Variants in ZNF536 observed in about 807,000 individuals in gnomAD.
The protein encoded by ZNF536 is zinc finger protein 536.
A neutral mutation model predicts 84.5 loss-of-function variants in ZNF536; 13 were observed. The observed-to-expected ratio is 0.15, with a 90% CI of 0.10 to 0.24. The LOEUF is 0.24. ZNF536 is among the 10% of genes least tolerant of loss of function. The pLI is 1.00. For missense variants in ZNF536, 1,536 were observed against 1,747.5 expected (o/e 0.88, Z 2.16); for synonymous variants, 811 against 742.5 (o/e 1.09, Z -1.50).
intron 1 of ZNF536, among the ~76,000 whole-genome samples, chr19:30,637,132 C>T (rs1177358916): frequency 6.6e-6 from 1 of 152,198 alleles, no homozygotes; most frequent in African/African-American, 2.4e-5. Context: ...AAGTCCTTGA[C>T]AGCATTTTTA....
At chr19:30,640,648 G>A (rs2049236414) in intron 1 of ZNF536, among the ~76,000 whole-genome samples, 1 of 152,222 alleles carries the variant, frequency 6.6e-6, no homozygotes. Context: ...CTGACCTGGT[G>A]TTTGTACTGG....
intron 1 of ZNF536, among the ~76,000 whole-genome samples, chr19:30,644,625 T>C (rs2049396865): frequency 6.6e-6 from 1 of 152,218 alleles, no homozygotes; most frequent in Non-Finnish European, 1.5e-5. Flanking sequence ...TGTTTGGTTT[T>C]TTGTCCTTGC....
intron 1 of ZNF536, among the ~76,000 whole-genome samples, chr19:30,374,584 C>G (rs897230012): frequency 6.6e-6 from 1 of 152,146 alleles, no homozygotes; most frequent in Non-Finnish European, 1.5e-5. Context: ...GGCACCGCCT[C>G]GGTGCCCACC....
Position 30,444,639 on chromosome 19 carries a change from C to T in ZNF536, c.1077C>T (p.Phe359=), listed in dbSNP as rs201070042. The T allele has an allele frequency of 1.5e-5, 25 of 1,613,956 alleles. No individual in the cohort carries two copies. In the African/African-American group the frequency reaches 2.8e-4, roughly 18 times the overall value. Residue 359 remains phenylalanine, a synonymous_variant, in exon 2 of 5, where the codon TTC becomes TTT. Transcript: ENST00000355537. ...VCGQVFSQAW[F]LKGHMRKHKD... ...GTCAGGTGTTCAGCCAGGCGTGGTTCCTCAAGGGTCACATGCGCAAGCACA... is the reference window on the plus strand; with the variant it reads ...GTCAGGTGTTCAGCCAGGCGTGGTTTCTCAAGGGTCACATGCGCAAGCACA...
At chr19:30,601,184 G>A (rs1407224717) in intron 1 of ZNF536, among the ~76,000 whole-genome samples, 1 of 152,128 alleles carries the variant, frequency 6.6e-6, no homozygotes, top group Non-Finnish European at 1.5e-5. Flanking sequence ...TGACATATGG[G>A]GAAACTGAGG....
chr19:30,590,861 G>C (rs1215362140), intron 1 of ZNF536, among the ~76,000 whole-genome samples: 1 of 152,220 alleles, frequency 6.6e-6, no homozygotes, highest in East Asian at 1.9e-4. Context: ...GCTGTTGAAG[G>C]GAAGGCCAGT....
downstream of ZNF536, among the ~76,000 whole-genome samples, chr19:30,558,859 T>C (rs1401991104): frequency 1.4e-5 from 2 of 145,476 alleles, no homozygotes; most frequent in Admixed American, 1.3e-4. Context: ...CACAATCTCA[T>C]AGGACACAAT....
chr19:30,432,596 C>T (rs935605859), intron 1 of ZNF536, among the ~76,000 whole-genome samples: 29 of 152,226 alleles, frequency 1.9e-4, no homozygotes, highest in African/African-American at 7.0e-4. Context: ...GAGACGAATG[C>T]CTTTTTCCAA....
At chr19:30,331,391 A>T (rs2047207795) in intron 2 of ZNF536, among the ~76,000 whole-genome samples, 1 of 148,986 alleles carries the variant, frequency 6.7e-6, no homozygotes, top group Non-Finnish European at 1.5e-5. Flanking sequence ...TAAATCTTAG[A>T]TCTCTTCTGT....
At chr19:30,707,430 A>C (rs2052287380) in intron 1 of ZNF536, among the ~76,000 whole-genome samples, 3 of 152,098 alleles carry the variant, frequency 2.0e-5, no homozygotes, top group Admixed American at 2.0e-4. Flanking sequence ...CCAAGCCCTT[A>C]AGGTGAAAAG....
intron 2 of ZNF536, among the ~76,000 whole-genome samples, chr19:30,475,363 A>G (rs188343595): frequency 6.6e-6 from 1 of 152,292 alleles, no homozygotes; most frequent in Admixed American, 6.5e-5. Flanking sequence ...CAGCACTTTG[A>G]AAAGCTGAGA....
chr19:30,452,134 A>T (rs2052635558), intron 2 of ZNF536, among the ~76,000 whole-genome samples: 2 of 152,120 alleles, frequency 1.3e-5, no homozygotes, highest in South Asian at 4.1e-4. Context: ...AGCTTCCAGG[A>T]TCTGACTCTT....
chr19:30,343,097 T>C (rs1482255459), intron 2 of ZNF536, among the ~76,000 whole-genome samples: 3 of 152,156 alleles, frequency 2.0e-5, no homozygotes, highest in Non-Finnish European at 4.4e-5. Flanking sequence ...GGGGACAGCC[T>C]TGGGCCCCTG....
chr19:30,504,429 TTC>T (rs2055078157), intron 2 of ZNF536, among the ~76,000 whole-genome samples: 1 of 138,782 alleles, frequency 7.2e-6, no homozygotes, highest in African/African-American at 2.8e-5. Flanking sequence ...CTTTCCTTCC[TTC>T]CTTCCTTCCT....
At chr19:30,411,276 T>G (rs1246408189) in intron 1 of ZNF536, among the ~76,000 whole-genome samples, 3 of 152,222 alleles carry the variant, frequency 2.0e-5, no homozygotes, top group Non-Finnish European at 4.4e-5. Context: ...GTGAGAATGG[T>G]CAGTTTCCCA....
chr19:30,615,560 CT>C (rs895164267), intron 1 of ZNF536, among the ~76,000 whole-genome samples: 13 of 143,822 alleles, frequency 9.0e-5, no homozygotes, highest in South Asian at 4.5e-4. Flanking sequence ...CAGGCTTATT[CT>C]TTTTTTTTTC....
intron 2 of ZNF536, among the ~76,000 whole-genome samples, chr19:30,288,744 T>G: frequency 6.6e-6 from 1 of 152,316 alleles, no homozygotes; most frequent in Non-Finnish European, 1.5e-5. Flanking sequence ...GTCTGGTAGA[T>G]TACACTGTGT....
chr19:30,305,831 G>C lies in ZNF536; in HGVS notation c.-120+21690G>C, dbSNP rs528261397. Among the ~76,000 whole-genome samples the C allele has an allele frequency of 2.6e-5, 4 of 152,350 alleles. No homozygotes were observed. The East Asian group carries it at 7.7e-4, about 29-fold the overall frequency. On this transcript the variant is annotated intron_variant, in intron 2 of 5. Coordinates refer to the ZNF536 transcript ENST00000585628. Reference sequence around the variant, plus strand: ...CACTGGCTGGGCTTCGGCAGGAGGGGCCAGCGTGGGTGAGGAAAGGACTGT... The same window carrying C: ...CACTGGCTGGGCTTCGGCAGGAGGGCCCAGCGTGGGTGAGGAAAGGACTGT...
chr19:30,489,087 C>G (rs1206831461), intron 2 of ZNF536, among the ~76,000 whole-genome samples: 1 of 152,174 alleles, frequency 6.6e-6, no homozygotes, highest in Non-Finnish European at 1.5e-5. Context: ...GAACCCACAG[C>G]TCAAGCTCTC....
Sources: gnomAD v4.1 joint callset for allele counts (sites outside exome capture counted in the v4.1 genomes callset) on GRCh38, gnomAD v4.1.1 for gene constraint, MANE v1.5 for transcripts, NCBI Gene and HGNC (gene_info 2026-07-23, HGNC 2026-07-21) for gene names.